Variants in SVIL observed in about 807,000 individuals in gnomAD.
The protein encoded by SVIL is supervillin.
In SVIL, 101 loss-of-function variants were observed where a neutral mutation model predicts 240.4. The observed-to-expected ratio is 0.42, with a 90% CI of 0.36 to 0.50. SVIL has a LOEUF of 0.50. Ranked by LOEUF, SVIL falls within the 20% of genes least tolerant of loss-of-function variation. The pLI is 0.01. For missense variants in SVIL, 2,512 were observed against 2,818.7 expected, an observed-to-expected ratio of 0.89 and a Z score of 2.46; for synonymous variants, 999 against 1,100.0, an observed-to-expected ratio of 0.91 and a Z score of 1.82.
intron 34 of SVIL, 74 bp from the exon 35 acceptor site, chr10:29,463,709 C>G: frequency 6.4e-7 from 1 of 1,559,220 alleles, no homozygotes; most frequent in Non-Finnish European, 8.7e-7. Flanking sequence ...CTCCCCCAAC[C>G]TAGTGGATGT....
At chr10:29,612,326 CTGTT>C (rs1957277081) in intron 1 of SVIL, among the ~76,000 whole-genome samples, 1 of 152,202 alleles carries the variant, frequency 6.6e-6, no homozygotes, top group South Asian at 2.1e-4. Flanking sequence ...TCCCTGCTCT[CTGTT>C]TATCTCCTTT....
At chr10:29,491,779 C>G (rs115829675) in intron 21 of SVIL, among the ~76,000 whole-genome samples, 3,148 of 152,272 alleles carry the variant, frequency 0.021, 115 homozygotes, top group African/African-American at 0.069. Flanking sequence ...TCATATGTGT[C>G]TATCAATATG....
Position 29,551,102 on chromosome 10 carries a change from A to T in SVIL, c.322T>A (p.Tyr108Asn), listed in dbSNP as rs1742906998. 6.2e-7 allele frequency: 1 copy of T among 1,613,934 alleles called. No individual in the cohort carries two copies. The highest frequency in any genetic ancestry group is 1.1e-5 in the South Asian group (1 of 91,070). The change falls in exon 6 of 38, where the codon TAC (tyrosine) becomes AAC (asparagine). Residue 108 changes from tyrosine to asparagine, a missense_variant. Physicochemically the swap from Tyr to Asn is moderately radical, Grantham distance 143. Transcript: ENST00000355867. ...AGCTGTCGCCTTCTTTCTGCTTTGTACCTTGCAATTCTTTCGGCTTTGGAC... is the reference window on the plus strand; with the variant it reads ...AGCTGTCGCCTTCTTTCTGCTTTGTTCCTTGCAATTCTTTCGGCTTTGGAC... Reference protein sequence around the residue: ...LESKAERIARYKAERRRQLAE... With the variant: ...LESKAERIARNKAERRRQLAE...
intron 1 of SVIL, among the ~76,000 whole-genome samples, chr10:29,702,175 CAAAAAAAAAAAA>C (rs60338711): frequency 1.6e-5 from 1 of 61,660 alleles, no homozygotes; most frequent in Non-Finnish European, 2.9e-5. Flanking sequence ...ACTCCATCTC[CAAAAAAAAAAAA>C]AAAAAAAAAA....
At position 29,529,831 on chromosome 10, in the gene SVIL, G is replaced by T. The variant is rs1353372190; in HGVS notation, c.2120C>A (p.Ser707Tyr). The change falls in exon 12 of 38, where the codon TCT (serine) becomes TAT (tyrosine). Residue 707 changes from serine to tyrosine, a missense_variant. This residue lies in a region of SVIL where 1,443 missense variants were observed against 1,486.6 expected (regional missense o/e 0.97). Transcript: ENST00000355867. ...KRLLFREMEK[S>Y]FDEQNVPKRR... ...CTTTGGAACATTTTGTTCATCAAAA[G>T]ATTTTTCCATCTCCTAAGATTAGAA... is the stretch of plus-strand genomic sequence containing the variant. 1.2e-6 allele frequency: 2 copies of T among 1,610,036 alleles called. No individual in the cohort carries two copies. Among genetic ancestry groups the T allele is most frequent in the Non-Finnish European group, 1.7e-6 (2 of 1,178,802 alleles).
chr10:29,504,939 C>T (rs879252050), intron 17 of SVIL, among the ~76,000 whole-genome samples: 5 of 152,216 alleles, frequency 3.3e-5, no homozygotes, highest in Admixed American at 2.0e-4. Context: ...TTGGAAGCAA[C>T]CAAGCTGTCC....
At chr10:29,467,980 A>T in intron 32 of SVIL, 105 bp from the exon 33 acceptor site, 1 of 1,253,874 alleles carries the variant, frequency 8.0e-7, no homozygotes, top group Non-Finnish European at 1.1e-6. Flanking sequence ...CTTTATTGAG[A>T]TATAATTCAC....
chr10:29,531,182 C>T, intron 10 of SVIL, 72 bp downstream of exon 10: 1 of 1,510,478 alleles, frequency 6.6e-7, no homozygotes. Flanking sequence ...TCTCAAAAAG[C>T]CAAAAACCTT....
chr10:29,647,496 C>T lies in SVIL; in HGVS notation c.-201+10473G>A, dbSNP rs561728197. On this transcript the variant is annotated intron_variant, in intron 3 of 35. Transcript: ENST00000375400. ...AAAGCTAGCAAAGAAAATTAGTAAACGTATCCGAATGAAAGTGAAATAAAA... is the reference window on the plus strand; with the variant it reads ...AAAGCTAGCAAAGAAAATTAGTAAATGTATCCGAATGAAAGTGAAATAAAA... 1.6e-4 allele frequency among the ~76,000 whole-genome samples: 25 copies of T among 152,226 alleles called. 1 individual carries two copies. The highest frequency in any genetic ancestry group is 7.2e-4 in the Admixed American group (11 of 15,284).
At chr10:29,660,710 A>G (rs929800055) in intron 2 of SVIL, among the ~76,000 whole-genome samples, 1 of 152,182 alleles carries the variant, frequency 6.6e-6, no homozygotes, top group Non-Finnish European at 1.5e-5. Flanking sequence ...CTCTGCCCAG[A>G]CGCTCACGTC....
chr10:29,688,054 G>C (rs1322147032), intron 1 of SVIL, among the ~76,000 whole-genome samples: 2 of 152,046 alleles, frequency 1.3e-5, no homozygotes, highest in African/African-American at 4.8e-5. Flanking sequence ...CGGTAGAAGG[G>C]GAAAGTGTCA....
At chr10:29,676,131 T>C (rs772527942) in intron 2 of SVIL, among the ~76,000 whole-genome samples, 1 of 152,196 alleles carries the variant, frequency 6.6e-6, no homozygotes, top group Non-Finnish European at 1.5e-5. Flanking sequence ...TTCCCTGCTA[T>C]ATAAACCCCT....
intron 1 of SVIL, among the ~76,000 whole-genome samples, chr10:29,726,660 T>C (rs1231815249): frequency 6.6e-6 from 1 of 152,038 alleles, no homozygotes; most frequent in East Asian, 1.9e-4. Flanking sequence ...GGCAGGAGAA[T>C]GGCTTGAACT....
chr10:29,600,943 T>TAGA (rs1956789185), intron 1 of SVIL, among the ~76,000 whole-genome samples: 1 of 152,240 alleles, frequency 6.6e-6, no homozygotes, highest in African/African-American at 2.4e-5. Flanking sequence ...AACTCGCTTC[T>TAGA]AGAAGTCAGA....
At chr10:29,721,058 G>A (rs12256538) in intron 1 of SVIL, among the ~76,000 whole-genome samples, 2,942 of 152,216 alleles carry the variant, frequency 0.019, 44 homozygotes, top group East Asian at 0.063. Flanking sequence ...ATGTTGGCCA[G>A]GTTGGTCTCA....
chr10:29,506,142 G>C (rs1371703934), intron 17 of SVIL, among the ~76,000 whole-genome samples: 1 of 152,032 alleles, frequency 6.6e-6, no homozygotes, highest in African/African-American at 2.4e-5. Context: ...TGAATCCTTG[G>C]ATGCGGAACT....
At chr10:29,673,452 T>G (rs1243295616) in intron 2 of SVIL, among the ~76,000 whole-genome samples, 1 of 152,022 alleles carries the variant, frequency 6.6e-6, no homozygotes, top group East Asian at 1.9e-4. Flanking sequence ...TACCTGAGAC[T>G]GAGTAATTTA....
At chr10:29,722,349 T>C (rs1014465029) in intron 1 of SVIL, among the ~76,000 whole-genome samples, 1 of 151,874 alleles carries the variant, frequency 6.6e-6, no homozygotes, top group Admixed American at 6.6e-5. Context: ...AATAAAAAAG[T>C]GAGAGTTTGA....
At chr10:29,534,015 T>G (rs1371110425) in intron 7 of SVIL, among the ~76,000 whole-genome samples, 1 of 152,212 alleles carries the variant, frequency 6.6e-6, no homozygotes, top group African/African-American at 2.4e-5. Context: ...CAACTAGACA[T>G]TCACAAGCTT....
Sources: allele counts gnomAD v4.1 joint callset (sites outside exome capture counted in the v4.1 genomes callset), GRCh38; gene constraint gnomAD v4.1.1; regional missense constraint gnomAD v4.1.1; transcripts MANE v1.5; gene names NCBI Gene and HGNC (gene_info 2026-07-23, HGNC 2026-07-21).